Variants in FNDC3A observed in about 807,000 individuals in gnomAD.
FNDC3A encodes the protein fibronectin type III domain containing 3A.
In FNDC3A, 32 loss-of-function variants were observed where a neutral mutation model predicts 148.9. That is an observed-to-expected ratio of 0.21 (90% CI 0.16 to 0.29). The LOEUF is 0.29. Ranked by LOEUF, FNDC3A falls within the 10% of genes least tolerant of loss-of-function variation. FNDC3A has a pLI of 1.00. For missense variants in FNDC3A, 1,191 were observed against 1,452.8 expected (o/e 0.82, Z 2.93); for synonymous variants, 472 against 473.6 (o/e 1.00, Z 0.04).
At chr13:49,054,379 A>G (rs931252224) in intron 2 of FNDC3A, among the ~76,000 whole-genome samples, 1 of 152,228 alleles carries the variant, frequency 6.6e-6, no homozygotes, top group Non-Finnish European at 1.5e-5. Flanking sequence ...GACATCAGAG[A>G]TAGAAGATAC....
intron 1 of FNDC3A, among the ~76,000 whole-genome samples, chr13:48,986,758 A>G (rs921391970): frequency 6.6e-6 from 1 of 152,100 alleles, no homozygotes; most frequent in Non-Finnish European, 1.5e-5. Context: ...ATCTTTAACC[A>G]AGGCATAGTT....
chr13:49,183,662 G>A (rs1885417317), intron 14 of FNDC3A, among the ~76,000 whole-genome samples: 1 of 152,162 alleles, frequency 6.6e-6, no homozygotes, highest in Non-Finnish European at 1.5e-5. Context: ...ACATTGAGAA[G>A]TGTTTTAAAC....
chr13:49,180,504 A>AT (rs1401300404), intron 14 of FNDC3A, among the ~76,000 whole-genome samples: 1 of 152,166 alleles, frequency 6.6e-6, no homozygotes, highest in African/African-American at 2.4e-5. Flanking sequence ...TACCTGAGAA[A>AT]TAGGCACATC....
chr13:49,001,843 T>C (rs942476053), intron 1 of FNDC3A, among the ~76,000 whole-genome samples: 2 of 152,190 alleles, frequency 1.3e-5, no homozygotes, highest in African/African-American at 4.8e-5. Flanking sequence ...CCCAGTCCTG[T>C]GGTCCTGTGA....
At chr13:49,060,708 C>T (rs934224053) in intron 2 of FNDC3A, among the ~76,000 whole-genome samples, 1 of 124,482 alleles carries the variant, frequency 8.0e-6, no homozygotes, top group African/African-American at 3.1e-5. Flanking sequence ...ACCTTAAAAA[C>T]ACTGTACTGA....
chr13:48,986,588 G>A (rs1416670496), intron 1 of FNDC3A, among the ~76,000 whole-genome samples: 4 of 151,844 alleles, frequency 2.6e-5, no homozygotes, highest in African/African-American at 9.7e-5. Flanking sequence ...AGTGGAAACG[G>A]GGTTTCACCA....
intron 3 of FNDC3A, among the ~76,000 whole-genome samples, chr13:49,093,954 T>C (rs1188259646): frequency 6.6e-6 from 1 of 152,202 alleles, no homozygotes; most frequent in Non-Finnish European, 1.5e-5. Context: ...AGAACATGTT[T>C]TATTTCCTTT....
chr13:48,975,903 G>A (rs1951588674), upstream of FNDC3A: 1 of 151,618 alleles, frequency 6.6e-6, no homozygotes, highest in Admixed American at 6.6e-5. Context: ...CGCCGACTTC[G>A]GGCTCCTCCT....
intron 4 of FNDC3A, among the ~76,000 whole-genome samples, chr13:49,120,913 C>A (rs983511075): frequency 5.9e-5 from 9 of 152,066 alleles, no homozygotes; most frequent in East Asian, 1.9e-4. Context: ...ATAATTAACA[C>A]CCCACTGTCA....
chr13:49,018,631 T>C (rs545364808), intron 2 of FNDC3A, among the ~76,000 whole-genome samples: 11 of 152,402 alleles, frequency 7.2e-5, no homozygotes, highest in African/African-American at 2.6e-4. Flanking sequence ...CCAGCTTTGT[T>C]CCCTTGCTGG....
At chr13:49,191,163 G>A (rs767281165) in intron 18 of FNDC3A, 43 bp downstream of exon 18, 1 of 1,602,952 alleles carries the variant, frequency 6.2e-7, no homozygotes, top group Non-Finnish European at 8.5e-7. Context: ...AGCTAGAACA[G>A]GAAGTATTCG....
intron 4 of FNDC3A, among the ~76,000 whole-genome samples, chr13:49,126,144 A>G (rs1428600777): frequency 6.6e-6 from 1 of 151,894 alleles, no homozygotes; most frequent in Non-Finnish European, 1.5e-5. Context: ...AATAGTTTTG[A>G]AGTCTGTTGC....
At position 49,085,580 on chromosome 13, in the gene FNDC3A, G is replaced by A. The variant is rs148703119; in HGVS notation, c.175+10216G>A. 3.1e-3 allele frequency among the ~76,000 whole-genome samples: 470 copies of A among 152,234 alleles called. 1 individual carries two copies. Among genetic ancestry groups the A allele is most frequent in the African/African-American group, 0.011 (457 of 41,530 alleles). On this transcript the variant is annotated intron_variant, in intron 3 of 25. Coordinates refer to ENST00000492622, the MANE Select transcript of FNDC3A (RefSeq NM_001079673.2). ...ATTTATCAGAAGTTGTGTCTATTGT[G>A]TTGTAGATCATAGTCACTACAACTT...
intron 2 of FNDC3A, among the ~76,000 whole-genome samples, chr13:49,055,725 C>T (rs965460734): frequency 7.2e-5 from 11 of 152,040 alleles, no homozygotes; most frequent in Admixed American, 4.6e-4. Context: ...CTTTCCAGAT[C>T]GAACCAATAT....
chr13:48,978,466 A>G (rs987191438), intron 1 of FNDC3A, among the ~76,000 whole-genome samples: 3 of 152,168 alleles, frequency 2.0e-5, no homozygotes, highest in African/African-American at 2.4e-5. Context: ...TGTATTTTAT[A>G]ATCTGCCAGT....
intron 2 of FNDC3A, among the ~76,000 whole-genome samples, chr13:49,074,333 T>C (rs1877948634): frequency 6.6e-6 from 1 of 152,096 alleles, no homozygotes; most frequent in African/African-American, 2.4e-5. Context: ...AGTGAGAAAA[T>C]AGTGATGTTT....
chr13:49,129,241 G>T (rs1051269344), intron 4 of FNDC3A, among the ~76,000 whole-genome samples: 5 of 152,220 alleles, frequency 3.3e-5, no homozygotes, highest in African/African-American at 1.2e-4. Context: ...AAGTGAAGAA[G>T]AATAATTGCA....
rs1179393050 is a variant in FNDC3A, at chr13:49,000,600, T to C, written c.-39-5552T>C. Among the ~76,000 whole-genome samples the C allele has an allele frequency of 2.6e-5, 4 of 152,248 alleles. No homozygotes were observed. The East Asian group carries it at 7.7e-4, about 29-fold the overall frequency. On this transcript the variant is annotated intron_variant, in intron 1 of 25. Coordinates refer to ENST00000492622, the MANE Select transcript of FNDC3A (RefSeq NM_001079673.2). ...AGAATTTTAGAATGGATTTTTCTTT[T>C]CCTGCAAAATAAGCTATTGGTATTT...
intron 1 of FNDC3A, among the ~76,000 whole-genome samples, chr13:49,004,431 A>G (rs1952183993): frequency 1.3e-5 from 2 of 152,152 alleles, no homozygotes; most frequent in Middle Eastern, 3.4e-3. Context: ...ATTAAAGATA[A>G]TACCTTAGGC....
Sources: allele counts gnomAD v4.1 joint callset (sites outside exome capture counted in the v4.1 genomes callset), GRCh38; gene constraint gnomAD v4.1.1; transcripts MANE v1.5; gene names NCBI Gene and HGNC (gene_info 2026-07-23, HGNC 2026-07-21).